The following KRT85 variants were observed in gnomAD, a reference collection of about 807,000 sequenced individuals.
The protein encoded by KRT85 is keratin 85.
In KRT85, 39 loss-of-function variants were observed where a neutral mutation model predicts 53.7. The ratio of observed to expected loss-of-function variants is 0.73; its 90% confidence interval spans 0.56 to 0.95. The LOEUF (loss-of-function observed/expected upper bound fraction) is 0.95, where lower values mean the gene tolerates loss of function less well. KRT85 is among the 40% of genes least tolerant of loss of function. The pLI, the probability that KRT85 is intolerant of heterozygous loss-of-function variation, is 0.00. For missense variants in KRT85, 668 were observed against 686.0 expected (o/e 0.97, Z 0.29); for synonymous variants, 291 against 277.5 (o/e 1.05, Z -0.48).
rs1263889153 is a variant in KRT85 at position 52,360,992 on chromosome 12, G to T, written c.1385C>A (p.Thr462Asn). The stretch of plus-strand genomic sequence containing the variant: ...GCCAGAAGTGATCTGGCGCCCTGGG[G>T]TGGTGCTGTAGGAGAGGCCCCCACA... ...VSCGGLSYSTTPGRQITSGPS... is the reference protein window; with the variant it reads ...VSCGGLSYSTNPGRQITSGPS... The change falls in exon 9 of 9, where the codon ACC becomes AAC. Residue 462 changes from threonine (T) to asparagine (N), a missense_variant. This residue lies in a region of KRT85 where 488 missense variants were observed against 498.1 expected (regional missense o/e 0.98). Transcript: ENST00000257901. 1.2e-6 allele frequency: 2 copies of T among 1,613,666 alleles called. No individual in the cohort carries two copies. Among genetic ancestry groups the T allele is most frequent in the South Asian group, 2.2e-5 (2 of 91,048 alleles).
intron 8 of KRT85, 133 bp downstream of exon 8, chr12:52,361,334 T>C: frequency 1.2e-6 from 1 of 863,388 alleles, no homozygotes; most frequent in Admixed American, 1.7e-5. Context: ...ACACCTGTCA[T>C]GGCCCCCACT....
chr12:52,363,392 C>A lies in KRT85; in HGVS notation c.805G>T (p.Ala269Ser), dbSNP rs1939224296. ...LYEEEIRVLQAHISDTSVIVK... is the reference protein window; with the variant it reads ...LYEEEIRVLQSHISDTSVIVK... ...ATGACCGAGGTGTCTGAGATGTGGG[C>A]TTGGAGAACGCGGATCTCCTGTGGG... is the stretch of plus-strand genomic sequence containing the variant. Residue 269 changes from alanine (A) to serine (S), a missense_variant, in exon 5 of 9, where the codon GCC becomes TCC. Physicochemically the swap from Ala to Ser is moderately conservative, Grantham distance 99. Coordinates refer to ENST00000257901, the MANE Select transcript of KRT85 (RefSeq NM_002283.4). The A allele has an allele frequency of 6.2e-7, 1 of 1,614,024 alleles. No homozygotes were observed.
chr12:52,361,028 C>T lies in KRT85; in HGVS notation c.1349G>A (p.Gly450Asp), dbSNP rs1177766931. 3 of 1,613,064 alleles carry T rather than the reference C, an allele frequency of 1.9e-6. No homozygotes were observed. The highest frequency in any genetic ancestry group is 1.1e-5 in the South Asian group (1 of 90,976). ...SVNVCVSSSR[G>D]GVSCGGLSYS... The stretch of plus-strand genomic sequence containing the variant: ...GGAGAGGCCCCCACAGGAGACTCCA[C>T]CACGGGAGCTGCTGACACCTGTGGA... The change falls in exon 9 of 9, where the codon GGT (glycine) becomes GAT (aspartate). Residue 450 changes from glycine to aspartate, a missense_variant. By Grantham distance (94) the Gly-to-Asp change is moderately conservative. Transcript: ENST00000257901.
At position 52,360,952 on chromosome 12, in the gene KRT85, G is replaced by GC; in HGVS notation, c.1424dup (p.Gly476ArgfsTer9). 6.2e-7 allele frequency: 1 copy of GC among 1,613,324 alleles called. No individual in the cohort carries two copies. The highest frequency in any genetic ancestry group is 8.5e-7 in the Non-Finnish European group (1 of 1,179,970). The stretch of plus-strand genomic sequence containing the variant: ...CAGGGGCCACCACCGTGATGCTGCC[G>GC]CCTATGGCTGAGGGGCCAGAAGTGA... On this transcript the variant is annotated frameshift_variant, in exon 9 of 9. Transcript: ENST00000257901. LOFTEE classifies it high-confidence loss of function.
rs768200717 is a variant in KRT85, at chr12:52,362,372, G to T, written c.1177C>A (p.Gln393Lys). ...CAGGCCATGTCCTGCTTGGCCTTCT[G>T]CAGGGCGCCCTCCAGCTCAGCCAGC... ...CKLAELEGAL[Q>K]KAKQDMACLL... Residue 393 changes from glutamine to lysine, a missense_variant, in exon 7 of 9, where the codon CAG (glutamine) becomes AAG (lysine). Gln to Lys is a moderately conservative substitution (Grantham distance 53). Transcript: ENST00000257901. 4.3e-6 allele frequency: 7 copies of T among 1,614,202 alleles called. No individual in the cohort carries two copies. Among genetic ancestry groups the T allele is most frequent in the Non-Finnish European group, 5.9e-6 (7 of 1,180,034 alleles).
intron 1 of KRT85, among the ~76,000 whole-genome samples, chr12:52,365,874 AC>A (rs1380196608): frequency 5.3e-5 from 8 of 151,924 alleles, no homozygotes; most frequent in Middle Eastern, 3.2e-3. Flanking sequence ...GCTCGTATAC[AC>A]CCCCTTAGCT....
intron 4 of KRT85, among the ~76,000 whole-genome samples, chr12:52,363,805 G>A (rs1272937815): frequency 6.6e-6 from 1 of 152,168 alleles, no homozygotes; most frequent in Non-Finnish European, 1.5e-5. Context: ...CTGTAGACTG[G>A]CACTCACACA....
chr12:52,361,844 A>G (rs1277344982), intron 7 of KRT85, among the ~76,000 whole-genome samples: 1 of 103,088 alleles, frequency 9.7e-6, no homozygotes, highest in East Asian at 3.4e-4. Flanking sequence ...CTAAATGCAT[A>G]TAGAAGTGCA....
chr12:52,365,002 G>A lies in KRT85; in HGVS notation c.589C>T (p.Leu197Phe). Residue 197 changes from leucine to phenylalanine, a missense_variant, in exon 2 of 9, where the codon CTC becomes TTC. By Grantham distance (22) the Leu-to-Phe change is conservative (BLOSUM62 0). Around this residue, in one of 3 missense-constraint regions of KRT85, gnomAD observed 488 missense variants for 498.1 expected, o/e 0.98. Transcript: ENST00000257901. ...EADSGRLASE[L>F]NHVQEVLEGY... ...TCCAGCACCTCCTGCACATGGTTGA[G>A]CTCTGAGGCCAGCCTCCCGCTGTCG... 1 of 1,613,028 alleles carries A rather than the reference G, an allele frequency of 6.2e-7. No individual in the cohort carries two copies.
In KRT85 at chr12:52,363,366, T is replaced by A. The variant is rs1939223560; in HGVS notation, c.831A>T (p.Ile277=). 6.2e-7 allele frequency: 1 copy of A among 1,614,150 alleles called. No individual in the cohort carries two copies. The highest frequency in any genetic ancestry group is 8.5e-7 in the Non-Finnish European group (1 of 1,180,024). The change falls in exon 5 of 9, where the codon ATA becomes ATT. Residue 277 remains isoleucine (I), a synonymous_variant. Transcript: ENST00000257901. The part of the protein sequence containing the change: ...LQAHISDTSV[I]VKMDNSRDLN... ...GGTCTCGGCTGTTGTCCATCTTGAC[T>A]ATGACCGAGGTGTCTGAGATGTGGG...
Position 52,364,118 on chromosome 12 carries a change from C to T in KRT85, c.736G>A (p.Val246Met), listed in dbSNP as rs149032172. 6.2e-7 allele frequency: 1 copy of T among 1,614,196 alleles called. No individual in the cohort carries two copies. The highest frequency in any genetic ancestry group is 1.7e-5 in the Admixed American group (1 of 60,032). Residue 246 changes from valine to methionine, a missense_variant, in exon 4 of 9, where the codon GTG becomes ATG. This residue lies in a region of KRT85 where 488 missense variants were observed against 498.1 expected (regional missense o/e 0.98). Coordinates refer to ENST00000257901, the MANE Select transcript of KRT85 (RefSeq NM_002283.4). ...YLRKSDLEAN[V>M]EALVEESSFL... is the part of the protein sequence containing the mutation. Reference sequence around the variant, plus strand: ...CTAGACTCCTCCACCAGGGCCTCCACATTGGCCTCCAGGTCTGATTTCCGC... The same window carrying T: ...CTAGACTCCTCCACCAGGGCCTCCATATTGGCCTCCAGGTCTGATTTCCGC...
chr12:52,363,092 C>A, intron 5 of KRT85, 113 bp from the exon 6 acceptor site: 1 of 1,562,882 alleles, frequency 6.4e-7, no homozygotes, highest in East Asian at 2.3e-5. Context: ...CCACACATGG[C>A]AGTCCTGCCC....
intron 1 of KRT85, 36 bp downstream of exon 1, chr12:52,366,950 T>A (rs766436730): frequency 6.2e-7 from 1 of 1,613,968 alleles, no homozygotes; most frequent in South Asian, 1.1e-5. Flanking sequence ...AGGACAGGGC[T>A]GGAGGCTTCT....
Position 52,364,981 on chromosome 12 carries a change from G to T in KRT85, c.610C>A (p.Leu204Met), listed in dbSNP as rs200474616. Reference sequence around the variant, plus strand: ...ACTCACTTCTTCTTGTAGCCCTCCAGCACCTCCTGCACATGGTTGAGCTCT... The same window carrying T: ...ACTCACTTCTTCTTGTAGCCCTCCATCACCTCCTGCACATGGTTGAGCTCT... ...ASELNHVQEV[L>M]EGYKKKYEEE... Residue 204 changes from leucine to methionine, a missense_variant, in exon 2 of 9, where the codon CTG (leucine) becomes ATG (methionine). This residue lies in a region of KRT85 where 488 missense variants were observed against 498.1 expected (regional missense o/e 0.98). Transcript: ENST00000257901. 6.2e-7 allele frequency: 1 copy of T among 1,612,752 alleles called. No homozygotes were observed. The highest frequency in any genetic ancestry group is 1.7e-5 in the Admixed American group (1 of 60,022).
intron 7 of KRT85, among the ~76,000 whole-genome samples, chr12:52,361,814 G>A (rs1939194979): frequency 6.7e-6 from 1 of 149,498 alleles, no homozygotes; most frequent in Non-Finnish European, 1.5e-5. Flanking sequence ...GTGTGAAGGG[G>A]CTTTGTGGTT....
intron 7 of KRT85, 102 bp downstream of exon 7, chr12:52,362,149 A>G: frequency 2.8e-6 from 4 of 1,406,016 alleles, no homozygotes; most frequent in Non-Finnish European, 3.0e-6. Context: ...CTATTGTATT[A>G]GCCATGGCCA....
chr12:52,364,034 A>C lies in KRT85; in HGVS notation c.786+34T>G, dbSNP rs761610540. 8.0e-5 allele frequency: 124 copies of C among 1,553,036 alleles called. 1 individual carries two copies. Among genetic ancestry groups the C allele is most frequent in the Admixed American group, 3.5e-4 (21 of 59,930 alleles). Reference sequence around the variant, plus strand: ...TCCCCTGTCTCCAAAACACCCCTCCACCTGCCCTGGCTGGGTGGCAGTTGC... The same window carrying C: ...TCCCCTGTCTCCAAAACACCCCTCCCCCTGCCCTGGCTGGGTGGCAGTTGC... On this transcript the variant is annotated intron_variant, in intron 4 of 8. Transcript: ENST00000257901.
intron 3 of KRT85, 55 bp downstream of exon 3, chr12:52,364,251 G>T: frequency 1.2e-6 from 2 of 1,612,824 alleles, no homozygotes; most frequent in Admixed American, 1.7e-5. Flanking sequence ...CCTGCCCCTC[G>T]CTGGAGTTTG....
In KRT85 at chr12:52,362,242, T is replaced by G; in HGVS notation, c.1298+9A>C. ...CCTCTGAAACCCCACAAAGTCCTCT[T>G]AGCCCCACCTGTGTTCCTCGCCCTC... On this transcript the variant is annotated intron_variant, in intron 7 of 8. Transcript: ENST00000257901. The G allele has an allele frequency of 6.2e-7, 1 of 1,613,998 alleles. No homozygotes were observed. The highest frequency in any genetic ancestry group is 8.5e-7 in the Non-Finnish European group (1 of 1,179,882).
Sources: allele counts gnomAD v4.1 joint callset (sites outside exome capture counted in the v4.1 genomes callset), GRCh38; gene constraint gnomAD v4.1.1; regional missense constraint gnomAD v4.1.1; transcripts MANE v1.5; gene names NCBI Gene and HGNC (gene_info 2026-07-23, HGNC 2026-07-21).